Variants in GRHL1 observed in about 807,000 individuals in gnomAD.
GRHL1 encodes grainyhead-like protein 1 homolog.
In GRHL1, 38 loss-of-function variants were observed where a neutral mutation model predicts 75.7. The ratio of observed to expected loss-of-function variants is 0.50; its 90% confidence interval spans 0.39 to 0.66. The LOEUF is 0.66. Ranked by LOEUF, GRHL1 falls within the 30% of genes least tolerant of loss-of-function variation. The probability of loss-of-function intolerance (pLI) is 0.00; values close to 1 mark genes in which losing one functional copy is unlikely to be tolerated. For synonymous variants in GRHL1, 266 were observed against 279.4 expected, an observed-to-expected ratio of 0.95 and a Z score of 0.48; for missense variants, 589 against 767.5, an observed-to-expected ratio of 0.77 and a Z score of 2.75.
Position 9,979,084 on chromosome 2 carries a change from C to T in GRHL1, c.1111-7040C>T, listed in dbSNP as rs1204502550. On this transcript the variant is annotated intron_variant, in intron 8 of 15. Transcript: ENST00000324907. The stretch of plus-strand genomic sequence containing the variant: ...CTGAGGCACGAGAATCGCTTGAACC[C>T]GGGAGGTGGAGGTTGCAGTGAGCCG... Among the ~76,000 whole-genome samples, 18 of 137,306 alleles carry T rather than the reference C, an allele frequency of 1.3e-4. No homozygotes were observed. In the East Asian group the frequency reaches 2.9e-3, roughly 22 times the overall value. The allele number at this position is 137,306 out of a possible 152,430, so 90.1% of individuals were successfully genotyped here. A position where few individuals can be genotyped will look rare whatever the true frequency, so the allele number is the denominator to read the frequency against.
rs188034755 is a variant in GRHL1, at chr2:9,978,528, G to C, written c.1111-7596G>C. Among the ~76,000 whole-genome samples the C allele has an allele frequency of 2.6e-5, 4 of 152,284 alleles. No homozygotes were observed. The East Asian group carries it at 7.7e-4, about 29-fold the overall frequency. ...GGATTTTGGAAGGCCTTGAGAATTT[G>C]GATTCCTGCCTTCACACTGCAGAGA... On this transcript the variant is annotated intron_variant, in intron 8 of 15. Coordinates refer to ENST00000324907, the MANE Select transcript of GRHL1 (RefSeq NM_198182.3).
chr2:9,962,487 G>A lies in GRHL1; in HGVS notation c.702G>A (p.Met234Ile). 6.2e-7 allele frequency: 1 copy of A among 1,603,964 alleles called. No individual in the cohort carries two copies. Among genetic ancestry groups the A allele is most frequent in the South Asian group, 1.1e-5 (1 of 90,896 alleles). The change falls in exon 5 of 16, where the codon ATG (methionine) becomes ATA (isoleucine). Residue 234 changes from methionine (M) to isoleucine (I), a missense_variant. Transcript: ENST00000324907. ...TCCCCTCGGATCTCAGTCTGCGGATGCCTGGCATGAATTCAGAGGACTATG... is the reference window on the plus strand; with the variant it reads ...TCCCCTCGGATCTCAGTCTGCGGATACCTGGCATGAATTCAGAGGACTATG... ...VFFPSDLSLR[M>I]PGMNSEDYVF...
rs1175266969 is a variant in GRHL1 at position 9,968,171 on chromosome 2, A to G, written c.1110+2790A>G. Among the ~76,000 whole-genome samples the G allele has an allele frequency of 1.3e-5, 2 of 152,256 alleles. No homozygotes were observed. Among genetic ancestry groups the G allele is most frequent in the Admixed American group, 6.5e-5 (1 of 15,284 alleles). ...GGTTGAATTGTGAATGCTTTGGCTT[A>G]CATTCCACTTTGGGAAAAACACTGA... On this transcript the variant is annotated intron_variant, in intron 8 of 15. Transcript: ENST00000324907. The surrounding 1 kb of genome is among the most constrained non-coding windows in gnomAD (Gnocchi z 4.7).
chr2:9,979,169 G>GAAAAAAAAAAAA (rs1313941842), intron 8 of GRHL1, among the ~76,000 whole-genome samples: 21 of 74,860 alleles, frequency 2.8e-4, no homozygotes, highest in African/African-American at 6.1e-4. Context: ...AAAAAAAAAG[G>GAAAAAAAAAAAA]AAACCTTATC....
At chr2:9,978,236 T>C (rs532202646) in intron 8 of GRHL1, among the ~76,000 whole-genome samples, 2 of 152,160 alleles carry the variant, frequency 1.3e-5, no homozygotes, top group Non-Finnish European at 2.9e-5. Flanking sequence ...AGCTACTTAG[T>C]CCAACTTGGT....
At chr2:9,962,424 A>G in intron 4 of GRHL1, 31 bp from the exon 5 acceptor site, 1 of 1,294,710 alleles carries the variant, frequency 7.7e-7, no homozygotes, top group Non-Finnish European at 1.1e-6. Flanking sequence ...AACCAGTTAA[A>G]TAGTTGTGGC....
Position 10,000,753 on chromosome 2 carries a change from T to C in GRHL1, c.*46T>C. 9.1e-7 allele frequency: 1 copy of C among 1,095,192 alleles called. No homozygotes were observed. Among genetic ancestry groups the C allele is most frequent in the Non-Finnish European group, 1.4e-6 (1 of 716,008 alleles). 67.8% of individuals were successfully genotyped at this position (1,095,192 alleles called of 1,614,324 possible). A position where few individuals can be genotyped will look rare whatever the true frequency, so the allele number is the denominator to read the frequency against. On this transcript the variant is annotated 3_prime_UTR_variant, in exon 16 of 16. Transcript: ENST00000324907. ...CCCAGGAGTTCAGTGCAGGTGTTTC[T>C]AGATCTTACGGTTTGGCAACTGCAG... is the stretch of plus-strand genomic sequence containing the variant.
Position 9,961,305 on chromosome 2 carries a change from A to C in GRHL1, c.538A>C (p.Thr180Pro), listed in dbSNP as rs773203770. 4.6e-5 allele frequency: 74 copies of C among 1,614,034 alleles called. No individual in the cohort carries two copies. The highest frequency in any genetic ancestry group is 6.2e-5 in the Non-Finnish European group (73 of 1,180,048). The change falls in exon 4 of 16, where the codon ACT becomes CCT. Residue 180 changes from threonine to proline, a missense_variant. Thr to Pro is a conservative substitution (Grantham distance 38). Transcript: ENST00000324907. Reference protein sequence around the residue: ...IPPAVYHPEPTERVVVFDRNL... With the variant: ...IPPAVYHPEPPERVVVFDRNL... ...CCCAGCAGTGTATCATCCTGAGCCC[A>C]CTGAGCGGGTGGTGGTTTTCGATCG...
intron 15 of GRHL1, among the ~76,000 whole-genome samples, chr2:10,000,385 C>T (rs1266991831): frequency 1.3e-5 from 2 of 152,164 alleles, no homozygotes; most frequent in African/African-American, 4.8e-5. Context: ...CACCTGATTT[C>T]CTCCTAACTC....
intron 8 of GRHL1, among the ~76,000 whole-genome samples, chr2:9,981,122 ACT>A (rs1668180142): frequency 6.6e-6 from 1 of 152,156 alleles, no homozygotes; most frequent in African/African-American, 2.4e-5. Flanking sequence ...GTGTTTCTAC[ACT>A]CGCCATATGT....
At chr2:9,975,631 G>T (rs1011496089) in intron 8 of GRHL1, among the ~76,000 whole-genome samples, 1 of 151,850 alleles carries the variant, frequency 6.6e-6, no homozygotes, top group South Asian at 2.1e-4. Context: ...TAATCCCAGC[G>T]CTTTGGGAGG....
chr2:9,999,915 C>A (rs1235011393), intron 15 of GRHL1, among the ~76,000 whole-genome samples: 1 of 152,160 alleles, frequency 6.6e-6, no homozygotes, highest in Non-Finnish European at 1.5e-5. Flanking sequence ...CTTTGAGGCT[C>A]ACTTGCTGGA....
intron 9 of GRHL1, among the ~76,000 whole-genome samples, chr2:9,988,545 A>G (rs1668518028): frequency 6.6e-6 from 1 of 151,812 alleles, no homozygotes; most frequent in Non-Finnish European, 1.5e-5. Context: ...AGTGGGGCTC[A>G]CTGAAGATCT....
At chr2:9,976,278 G>A (rs1051630357) in intron 8 of GRHL1, among the ~76,000 whole-genome samples, 4 of 152,138 alleles carry the variant, frequency 2.6e-5, no homozygotes, top group African/African-American at 7.2e-5. Flanking sequence ...AGGAAGATTC[G>A]TCACACTTCT....
In GRHL1 at chr2:9,998,503, T is replaced by TATATACGTATATATACATATATATAC. The variant is rs1558319779; in HGVS notation, c.1678-457_1678-456insCGTATATATACATATATATACATATA. Among the ~76,000 whole-genome samples, 2 of 22,864 alleles carry TATATACGTATATATACATATATATAC rather than the reference T, an allele frequency of 8.7e-5. 1 individual carries two copies. Among genetic ancestry groups the TATATACGTATATATACATATATATAC allele is most frequent in the Non-Finnish European group, 1.5e-4 (2 of 13,410 alleles). The allele number at this position is 22,864 out of a possible 152,430, so 15.0% of individuals were successfully genotyped here. ...ATACATATATATACGTATATATACATATATATACGTATATATATACATATA... is the reference window on the plus strand; with the variant it reads ...ATACATATATATACGTATATATACATATATACGTATATATACATATATATACATATATACGTATATATATACATATA... On this transcript the variant is annotated intron_variant, in intron 14 of 15. Coordinates refer to ENST00000324907, the MANE Select transcript of GRHL1 (RefSeq NM_198182.3).
chr2:9,956,395 C>T (rs1368265940), intron 2 of GRHL1, among the ~76,000 whole-genome samples: 1 of 152,054 alleles, frequency 6.6e-6, no homozygotes, highest in Non-Finnish European at 1.5e-5. Context: ...AGTACACATG[C>T]CTATAGTCTC....
chr2:9,992,325 C>T lies in GRHL1; in HGVS notation c.1461+179C>T, dbSNP rs1668679746. On this transcript the variant is annotated intron_variant, in intron 11 of 15. Transcript: ENST00000324907. The surrounding 1 kb of genome is among the most constrained non-coding windows in gnomAD (Gnocchi z 4.6). ...CCCGTGCAATAAAAATGGTAAGCAT[C>T]GCTGATTTCAAGGTGCAGTGCAGCC... Among the ~76,000 whole-genome samples the T allele has an allele frequency of 6.6e-6, 1 of 152,172 alleles. No homozygotes were observed.
chr2:9,953,201 A>G (rs1638848435), intron 1 of GRHL1: 26 of 403,066 alleles, frequency 6.5e-5, no homozygotes, highest in South Asian at 4.7e-4. Context: ...TCTGTTTTCT[A>G]TTGCTTGTAC....
intron 8 of GRHL1, among the ~76,000 whole-genome samples, chr2:9,981,645 C>T (rs1668202903): frequency 6.6e-6 from 1 of 152,214 alleles, no homozygotes. Context: ...GGGCCCTTTA[C>T]AGAAAAATAG....
Sources: allele counts gnomAD v4.1 joint callset (sites outside exome capture counted in the v4.1 genomes callset), GRCh38; gene constraint gnomAD v4.1.1; non-coding constraint Gnocchi (gnomAD v3.1); transcripts MANE v1.5; gene names NCBI Gene and HGNC (gene_info 2026-07-23, HGNC 2026-07-21).